FRMD4B: variants seen among roughly 807,000 people sequenced by gnomAD.
FRMD4B encodes FERM domain containing 4B, also known as FERM domain-containing protein 4B.
In FRMD4B, 74 loss-of-function variants were observed where a neutral mutation model predicts 141.5. The ratio of observed to expected loss-of-function variants is 0.52; its 90% CI spans 0.43 to 0.63. The LOEUF (loss-of-function observed/expected upper bound fraction) is 0.63, where lower values mean the gene tolerates loss of function less well. Among genes scored for constraint, FRMD4B ranks in the 30% least tolerant of loss-of-function variants. The pLI is 0.00. For missense variants in FRMD4B, 1,366 were observed against 1,253.4 expected (o/e 1.09, Z -1.36); for synonymous variants, 506 against 467.9 (o/e 1.08, Z -1.05).
At chr3:69,177,368 AG>A (rs1231538330) in intron 21 of FRMD4B, among the ~76,000 whole-genome samples, 8 of 152,236 alleles carry the variant, frequency 5.3e-5, no homozygotes, top group Non-Finnish European at 1.0e-4. Flanking sequence ...AAATAATTTC[AG>A]GTCAGCTCAG....
intron 1 of FRMD4B, among the ~76,000 whole-genome samples, chr3:69,347,325 C>A (rs1702981139): frequency 6.6e-6 from 1 of 152,168 alleles, no homozygotes; most frequent in African/African-American, 2.4e-5. Context: ...CACCCAGATT[C>A]ATGAAGCAAG....
chr3:69,339,906 G>T (rs1209868286), intron 1 of FRMD4B, among the ~76,000 whole-genome samples: 3 of 152,064 alleles, frequency 2.0e-5, no homozygotes, highest in Non-Finnish European at 2.9e-5. Flanking sequence ...CAACCAATTA[G>T]GTTCTGATTG....
At chr3:69,434,817 T>C (rs1705235866) in intron 1 of FRMD4B, among the ~76,000 whole-genome samples, 1 of 152,200 alleles carries the variant, frequency 6.6e-6, no homozygotes, top group Non-Finnish European at 1.5e-5. Context: ...ATTAGTTTGC[T>C]AGGGCTGCCG....
intron 1 of FRMD4B, among the ~76,000 whole-genome samples, chr3:69,503,992 A>T (rs1706549601): frequency 6.6e-6 from 1 of 152,232 alleles, no homozygotes; most frequent in South Asian, 2.1e-4. Context: ...TTGTCATAAA[A>T]GGAATGGTCA....
At chr3:69,250,202 T>C (rs2093453660) in intron 5 of FRMD4B, 103 bp from the exon 6 acceptor site, 1 of 814,778 alleles carries the variant, frequency 1.2e-6, no homozygotes, top group Non-Finnish European at 2.2e-6. Context: ...ACCTCCAGTT[T>C]ACGATCAAAT....
chr3:69,359,167 T>C (rs942973439), intron 1 of FRMD4B, among the ~76,000 whole-genome samples: 4 of 152,098 alleles, frequency 2.6e-5, no homozygotes, highest in Non-Finnish European at 5.9e-5. Context: ...AATAATTTAA[T>C]TCATAAATGA....
chr3:69,218,226 C>T lies in FRMD4B; in HGVS notation c.789+96G>A, dbSNP rs535760306. 9.8e-5 allele frequency: 64 copies of T among 650,972 alleles called. 1 individual carries two copies. Among genetic ancestry groups the T allele is most frequent in the Non-Finnish European group, 1.4e-4 (52 of 372,796 alleles). The allele number at this position is 650,972 out of a possible 1,614,324, so 40.3% of individuals were successfully genotyped here. On this transcript the variant is annotated intron_variant, in intron 10 of 22. Coordinates refer to ENST00000398540, the MANE Select transcript of FRMD4B (RefSeq NM_015123.3). ...GTACTTTATAATTTGCTACAAAAGGCAAGATATAATCAGCCTTTTATATAG... is the reference window on the plus strand; with the variant it reads ...GTACTTTATAATTTGCTACAAAAGGTAAGATATAATCAGCCTTTTATATAG...
chr3:69,256,343 G>GA (rs1375329129), intron 5 of FRMD4B, among the ~76,000 whole-genome samples: 1 of 152,088 alleles, frequency 6.6e-6, no homozygotes. Flanking sequence ...TTTTTGAGAT[G>GA]GAGTCTCACT....
At chr3:69,455,370 A>T (rs952254090) in intron 1 of FRMD4B, among the ~76,000 whole-genome samples, 1 of 152,196 alleles carries the variant, frequency 6.6e-6, no homozygotes. Flanking sequence ...CACTGCCTTT[A>T]TGAGCTGTAA....
At chr3:69,337,971 G>A (rs1475167293) in intron 1 of FRMD4B, among the ~76,000 whole-genome samples, 2 of 152,170 alleles carry the variant, frequency 1.3e-5, no homozygotes, top group African/African-American at 2.4e-5. Flanking sequence ...ATACCCAAAG[G>A]ATTATAAAAC....
At chr3:69,273,252 A>G (rs775427689) in intron 5 of FRMD4B, among the ~76,000 whole-genome samples, 2 of 152,188 alleles carry the variant, frequency 1.3e-5, no homozygotes, top group Non-Finnish European at 2.9e-5. Flanking sequence ...AAATTTGATG[A>G]CTTATTTCTT....
intron 22 of FRMD4B, among the ~76,000 whole-genome samples, chr3:69,172,700 C>T (rs1268171476): frequency 3.9e-5 from 6 of 152,128 alleles, no homozygotes; most frequent in Admixed American, 3.9e-4. Context: ...CAGGACACAG[C>T]ATCACATTTA....
chr3:69,183,714 C>T (rs1398487573), intron 19 of FRMD4B, among the ~76,000 whole-genome samples: 4 of 151,916 alleles, frequency 2.6e-5, no homozygotes, highest in African/African-American at 9.7e-5. Flanking sequence ...GATCTCCTGA[C>T]CTTGTGATCC....
At chr3:69,340,584 G>C (rs1702706699) in intron 1 of FRMD4B, among the ~76,000 whole-genome samples, 1 of 152,208 alleles carries the variant, frequency 6.6e-6, no homozygotes, top group South Asian at 2.1e-4. Context: ...TCATGGCTTA[G>C]ATGCTTTGCT....
chr3:69,469,819 G>A (rs1206394847), intron 1 of FRMD4B, among the ~76,000 whole-genome samples: 1 of 152,218 alleles, frequency 6.6e-6, no homozygotes, highest in Non-Finnish European at 1.5e-5. Context: ...CTTTGATTTA[G>A]CGGCAGCAGG....
chr3:69,317,536 C>T (rs1701843255), intron 1 of FRMD4B, among the ~76,000 whole-genome samples: 1 of 152,002 alleles, frequency 6.6e-6, no homozygotes, highest in Admixed American at 6.6e-5. Flanking sequence ...CACTTGAGGT[C>T]AGAAGTTCTA....
At chr3:69,432,865 G>T (rs144470599) in intron 1 of FRMD4B, 1 of 152,216 alleles carries the variant, frequency 6.6e-6, no homozygotes, top group African/African-American at 2.4e-5. Context: ...ATTTTCCCCT[G>T]GCTGACTACA....
At position 69,283,080 on chromosome 3, in the gene FRMD4B, C is replaced by T. The variant is rs556117347; in HGVS notation, c.501+4672G>A. On this transcript the variant is annotated intron_variant, in intron 5 of 22. Transcript: ENST00000398540. ...ATTATTTGACAAGTCATGAAACACT[C>T]CCATTTAGAAAGGAGCTCCCAGGCC... Among the ~76,000 whole-genome samples the T allele has an allele frequency of 5.3e-5, 8 of 152,158 alleles. No homozygotes were observed. The East Asian group carries it at 1.4e-3, about 26-fold the overall frequency.
At chr3:69,528,756 C>T (rs1700969413) in intron 1 of FRMD4B, among the ~76,000 whole-genome samples, 2 of 147,552 alleles carry the variant, frequency 1.4e-5, no homozygotes, top group Admixed American at 6.8e-5. Context: ...TCCCAGGAAA[C>T]AATAGTAGGA....
Sources: allele counts gnomAD v4.1 joint callset (sites outside exome capture counted in the v4.1 genomes callset), GRCh38; gene constraint gnomAD v4.1.1; transcripts MANE v1.5; gene names NCBI Gene and HGNC (gene_info 2026-07-23, HGNC 2026-07-21).